TUSC3: variants seen among roughly 807,000 people sequenced by gnomAD.
TUSC3 encodes dolichyl-diphosphooligosaccharide--protein glycosyltransferase subunit TUSC3.
In TUSC3, 45 loss-of-function variants were observed where a neutral mutation model predicts 44.8. That is an observed-to-expected ratio of 1.00 (90% CI 0.79 to 1.29). The LOEUF (loss-of-function observed/expected upper bound fraction) is 1.29, where lower values mean the gene tolerates loss of function less well. TUSC3 is among the 50% of genes most tolerant of loss of function. TUSC3 has a pLI of 0.00. For synonymous variants in TUSC3, 212 were observed against 152.9 expected (o/e 1.39, Z -2.85); for missense variants, 519 against 437.9 (o/e 1.19, Z -1.65).
chr8:15,706,333 T>C lies in TUSC3; in HGVS notation c.799-24333T>C, dbSNP rs999029427. On this transcript the variant is annotated intron_variant, in intron 6 of 10. Transcript: ENST00000503731. ...GGAAGCAAAGGAAAAGAAAGTGTTA[T>C]CTTTTCAAGAGCAGCATTCTATTTT... 9.2e-5 allele frequency among the ~76,000 whole-genome samples: 14 copies of C among 152,076 alleles called. No individual in the cohort carries two copies. In the East Asian group the frequency reaches 1.2e-3, roughly 13 times the overall value.
intron 1 of TUSC3, among the ~76,000 whole-genome samples, chr8:15,443,721 T>G (rs1563252155): frequency 6.6e-6 from 1 of 151,986 alleles, no homozygotes; most frequent in Non-Finnish European, 1.5e-5. Context: ...AGCCACAAGA[T>G]GAGAAATTAT....
At chr8:15,659,783 C>G in intron 4 of TUSC3, 136 bp downstream of exon 4, 2 of 1,122,812 alleles carry the variant, frequency 1.8e-6, no homozygotes, top group Non-Finnish European at 2.6e-6. Context: ...TGTTCGATTA[C>G]TGCAAATGAT....
At chr8:15,652,690 C>A (rs187377828) in intron 3 of TUSC3, among the ~76,000 whole-genome samples, 3 of 152,188 alleles carry the variant, frequency 2.0e-5, no homozygotes, top group South Asian at 2.1e-4. Flanking sequence ...TAATAGATCT[C>A]TATAGAATCT....
chr8:15,556,140 G>A (rs1222777761), intron 1 of TUSC3, among the ~76,000 whole-genome samples: 1 of 145,570 alleles, frequency 6.9e-6, no homozygotes, highest in African/African-American at 2.5e-5. Flanking sequence ...AAATCTCCCA[G>A]TGCTATCCCT....
At chr8:15,796,709 C>T in the TUSC3 span, among the ~76,000 whole-genome samples, 1 of 152,258 alleles carries the variant, frequency 6.6e-6, no homozygotes, top group Non-Finnish European at 1.5e-5. Flanking sequence ...AAGTTTCTAC[C>T]AAAAAGATAG....
chr8:15,740,788 C>T (rs1267977334), intron 7 of TUSC3, among the ~76,000 whole-genome samples: 9 of 151,934 alleles, frequency 5.9e-5, no homozygotes, highest in South Asian at 4.1e-4. Flanking sequence ...GGTTATAGAC[C>T]GTGGAGAAAA....
At chr8:15,666,383 G>C (rs914137512) in intron 5 of TUSC3, among the ~76,000 whole-genome samples, 1 of 151,452 alleles carries the variant, frequency 6.6e-6, no homozygotes, top group Non-Finnish European at 1.5e-5. Context: ...TTTTAATACT[G>C]TGTATTGTAG....
chr8:15,661,766 A>T (rs888744441), intron 4 of TUSC3, among the ~76,000 whole-genome samples: 7 of 150,846 alleles, frequency 4.6e-5, no homozygotes, highest in Non-Finnish European at 1.0e-4. Flanking sequence ...AATATTTGCA[A>T]ATAATTTTTC....
intron 6 of TUSC3, among the ~76,000 whole-genome samples, chr8:15,690,712 G>C (rs1305354859): frequency 6.6e-6 from 1 of 152,054 alleles, no homozygotes; most frequent in African/African-American, 2.4e-5. Flanking sequence ...TCAGTCATCT[G>C]CATATGGCTA....
At chr8:15,628,241 A>T (rs1805601690) in intron 2 of TUSC3, among the ~76,000 whole-genome samples, 1 of 152,152 alleles carries the variant, frequency 6.6e-6, no homozygotes, top group Non-Finnish European at 1.5e-5. Flanking sequence ...GAAATATTTT[A>T]TTATCTAAGT....
At chr8:15,725,810 T>C (rs1002207879) in intron 6 of TUSC3, among the ~76,000 whole-genome samples, 2 of 152,190 alleles carry the variant, frequency 1.3e-5, no homozygotes, top group Non-Finnish European at 2.9e-5. Flanking sequence ...TCAGGGAATA[T>C]GACTAAAATC....
intron 1 of TUSC3, among the ~76,000 whole-genome samples, chr8:15,435,144 T>C (rs1160773493): frequency 6.7e-6 from 1 of 149,720 alleles, no homozygotes; most frequent in Non-Finnish European, 1.5e-5. Flanking sequence ...TAGTTTACAG[T>C]CCCACCAACA....
chr8:15,569,892 C>T (rs1016305186), intron 1 of TUSC3, among the ~76,000 whole-genome samples: 1 of 147,490 alleles, frequency 6.8e-6, no homozygotes, highest in Non-Finnish European at 1.5e-5. Flanking sequence ...TTTAGTGCTG[C>T]TTATTTCTCT....
Position 15,642,460 on chromosome 8 carries a change from T to G in TUSC3, c.309-8237T>G, listed in dbSNP as rs1394053002. ...ACTAAATCTCCATGAATGTTTCTTGTGACGGCAATACTATCAGTTGACTAG... is the reference window on the plus strand; with the variant it reads ...ACTAAATCTCCATGAATGTTTCTTGGGACGGCAATACTATCAGTTGACTAG... On this transcript the variant is annotated intron_variant, in intron 2 of 10. Transcript: ENST00000503731. Among the ~76,000 whole-genome samples, 4 of 152,224 alleles carry G rather than the reference T, an allele frequency of 2.6e-5. 1 individual carries two copies. Among genetic ancestry groups the G allele is most frequent in the African/African-American group, 9.6e-5 (4 of 41,474 alleles).
intron 1 of TUSC3, among the ~76,000 whole-genome samples, chr8:15,613,524 C>G (rs1041082153): frequency 6.6e-6 from 1 of 152,100 alleles, no homozygotes; most frequent in Non-Finnish European, 1.5e-5. Flanking sequence ...GGGGAAGTTC[C>G]CTGTACATGC....
chr8:15,436,310 T>G (rs1218034223), intron 1 of TUSC3, among the ~76,000 whole-genome samples: 1 of 152,214 alleles, frequency 6.6e-6, no homozygotes, highest in Non-Finnish European at 1.5e-5. Flanking sequence ...CCTCGTGGAC[T>G]TACATCAATG....
chr8:15,604,264 C>A (rs1045985646), intron 1 of TUSC3, among the ~76,000 whole-genome samples: 4 of 151,386 alleles, frequency 2.6e-5, no homozygotes, highest in African/African-American at 9.7e-5. Context: ...TTGAGAAAAA[C>A]AGTGTTTTTA....
At chr8:15,766,902 C>A (rs931386125), downstream of TUSC3, among the ~76,000 whole-genome samples, 7 of 152,068 alleles carry the variant, frequency 4.6e-5, no homozygotes, top group Non-Finnish European at 1.0e-4. Context: ...AAGGACTGGT[C>A]ACTGGGGCGA....
intron 1 of TUSC3, among the ~76,000 whole-genome samples, chr8:15,570,265 T>TACACACACACACACACACAC (rs3070896): frequency 6.8e-6 from 1 of 148,060 alleles, no homozygotes; most frequent in East Asian, 2.0e-4. Flanking sequence ...TAATGTATTT[T>TACACACACACACACACACAC]ACACACACAC....
Sources: allele counts gnomAD v4.1 joint callset (sites outside exome capture counted in the v4.1 genomes callset), GRCh38; gene constraint gnomAD v4.1.1; transcripts MANE v1.5; gene names NCBI Gene and HGNC (gene_info 2026-07-23, HGNC 2026-07-21).